Variants in TNFSF15 observed in about 807,000 individuals in gnomAD.
TNFSF15 encodes the protein TNF superfamily member 15.
In TNFSF15, 15 loss-of-function variants were observed where a neutral mutation model predicts 26.4. That is an observed-to-expected ratio of 0.57 (90% CI 0.38 to 0.87). TNFSF15 has a LOEUF of 0.87. Ranked by LOEUF, TNFSF15 falls within the 40% of genes least tolerant of loss-of-function variation. The pLI, the probability that TNFSF15 is intolerant of heterozygous loss-of-function variation, is 0.00. For missense variants in TNFSF15, 290 were observed against 306.1 expected (o/e 0.95, Z 0.39); for synonymous variants, 116 against 115.0 (o/e 1.01, Z -0.06).
chr9:114,799,920 A>G (rs1409317357), intron 1 of TNFSF15, among the ~76,000 whole-genome samples: 2 of 152,110 alleles, frequency 1.3e-5, no homozygotes, highest in Admixed American at 1.3e-4. Context: ...TGATCTTTGG[A>G]GTGAATATCT....
intron 1 of TNFSF15, among the ~76,000 whole-genome samples, chr9:114,805,056 C>T (rs1037536819): frequency 2.6e-5 from 4 of 152,148 alleles, no homozygotes; most frequent in African/African-American, 4.8e-5. Flanking sequence ...TGACACCTAT[C>T]GCTGCCCCTA....
rs1829582506 is a variant in TNFSF15, at chr9:114,790,696, G to T, written c.512C>A (p.Pro171Gln). 1.2e-6 allele frequency: 2 copies of T among 1,614,060 alleles called. No individual in the cohort carries two copies. The change falls in exon 4 of 4, where the codon CCA (proline) becomes CAA (glutamine). Residue 171 changes from proline to glutamine, a missense_variant. Transcript: ENST00000374045. ...CACAGTGATGGAGTCTGGCTTGTTT[G>T]GTCGGCCTGCTTGTCTGATTTCACT... ...ECSEIRQAGR[P>Q]NKPDSITVVI...
Position 114,787,600 on chromosome 9 carries a change from C to T in TNFSF15, c.*2852G>A, listed in dbSNP as rs1829523219. The stretch of plus-strand genomic sequence containing the variant: ...CTTCCTCCCTCCCAAACCCTGAATA[C>T]ACCCCATTAACCCCTTTTAGGGGAA... On this transcript the variant is annotated 3_prime_UTR_variant, in exon 4 of 4. Coordinates refer to ENST00000374045, the MANE Select transcript of TNFSF15 (RefSeq NM_005118.4). The T allele has an allele frequency of 6.5e-6, 1 of 153,008 alleles. No homozygotes were observed. Among genetic ancestry groups the T allele is most frequent in the African/African-American group, 2.4e-5 (1 of 41,438 alleles). 9.5% of individuals were successfully genotyped at this position (153,008 alleles called of 1,614,324 possible).
intron 1 of TNFSF15, among the ~76,000 whole-genome samples, chr9:114,794,797 C>T (rs1427118012): frequency 1.3e-5 from 2 of 152,128 alleles, no homozygotes; most frequent in African/African-American, 4.8e-5. Context: ...TTTGCATGTT[C>T]TCATTGATAT....
rs1411054569 is a variant in TNFSF15, at chr9:114,790,337, T to C, written c.*115A>G. The stretch of plus-strand genomic sequence containing the variant: ...TTTCATAGCTAAACCGTTGTCCCTG[T>C]GGAATGCCCCCTACTCCCGGCCCCA... On this transcript the variant is annotated 3_prime_UTR_variant, in exon 4 of 4. Coordinates refer to ENST00000374045, the MANE Select transcript of TNFSF15 (RefSeq NM_005118.4). 3 of 1,055,150 alleles carry C rather than the reference T, an allele frequency of 2.8e-6. No homozygotes were observed. Among genetic ancestry groups the C allele is most frequent in the Non-Finnish European group, 2.8e-6 (2 of 726,126 alleles). 65.4% of individuals were successfully genotyped at this position (1,055,150 alleles called of 1,614,324 possible).
rs1829580581 is a variant in TNFSF15, at chr9:114,790,611, C to T, written c.597G>A (p.Lys199=). 3.7e-6 allele frequency: 6 copies of T among 1,614,106 alleles called. No homozygotes were observed. The highest frequency in any genetic ancestry group is 4.2e-6 in the Non-Finnish European group (5 of 1,180,032). The change falls in exon 4 of 4, where the codon AAG becomes AAA. Residue 199 remains lysine (K), a synonymous_variant. Coordinates refer to ENST00000374045, the MANE Select transcript of TNFSF15 (RefSeq NM_005118.4). ...PEPTQLLMGT[K]SVCEVGSNWF... is the part of the protein sequence containing the mutation. ...AGTTGCTACCTACTTCGCATACAGA[C>T]TTGGTCCCCATGAGGAGCTGGGTTG...
intron 1 of TNFSF15, among the ~76,000 whole-genome samples, chr9:114,797,314 T>A (rs1202943658): frequency 6.6e-6 from 1 of 152,236 alleles, no homozygotes; most frequent in African/African-American, 2.4e-5. Flanking sequence ...TGGATAAGTA[T>A]GGTCCAGTGT....
At chr9:114,803,455 G>C (rs928332132) in intron 1 of TNFSF15, among the ~76,000 whole-genome samples, 9 of 152,178 alleles carry the variant, frequency 5.9e-5, no homozygotes. Context: ...ACATTTCACT[G>C]TATGTTTACC....
At chr9:114,795,887 G>A (rs1195718022) in intron 1 of TNFSF15, among the ~76,000 whole-genome samples, 2 of 152,210 alleles carry the variant, frequency 1.3e-5, no homozygotes, top group Admixed American at 1.3e-4. Flanking sequence ...GTCTAGGTCT[G>A]TGAGCAGGTG....
intron 1 of TNFSF15, among the ~76,000 whole-genome samples, chr9:114,805,297 T>C (rs921033855): frequency 6.6e-6 from 1 of 152,206 alleles, no homozygotes; most frequent in Admixed American, 6.5e-5. Flanking sequence ...AATAAAATCA[T>C]AATATATTAG....
chr9:114,794,638 A>T (rs1012310284), intron 1 of TNFSF15, among the ~76,000 whole-genome samples: 15 of 152,208 alleles, frequency 9.9e-5, no homozygotes, highest in African/African-American at 3.4e-4. Flanking sequence ...CTCTATCAAG[A>T]TATAGATGGA....
chr9:114,800,691 G>A (rs560484626), intron 1 of TNFSF15, among the ~76,000 whole-genome samples: 1 of 152,292 alleles, frequency 6.6e-6, no homozygotes, highest in East Asian at 1.9e-4. Flanking sequence ...TAGCAAACAA[G>A]TATTGCACAT....
intron 1 of TNFSF15, among the ~76,000 whole-genome samples, chr9:114,802,595 T>G (rs4366152): frequency 6.6e-6 from 1 of 152,026 alleles, no homozygotes; most frequent in African/African-American, 2.4e-5. Flanking sequence ...GCATGCTGTG[T>G]TAGCTCTCTG....
intron 2 of TNFSF15, among the ~76,000 whole-genome samples, chr9:114,792,983 T>C (rs903117974): frequency 6.6e-6 from 1 of 152,214 alleles, no homozygotes; most frequent in Non-Finnish European, 1.5e-5. Flanking sequence ...CTTTTCCCTC[T>C]CTGGGCCTCT....
In TNFSF15 at chr9:114,790,155, G is replaced by T; in HGVS notation, c.*297C>A. ...AATATTTCTCTTTCAATCCTGACCC[G>T]AGTAGATCATCCATTCATTTAGTGA... On this transcript the variant is annotated 3_prime_UTR_variant, in exon 4 of 4. Coordinates refer to ENST00000374045, the MANE Select transcript of TNFSF15 (RefSeq NM_005118.4). 3.8e-6 allele frequency: 1 copy of T among 259,962 alleles called. No homozygotes were observed. The highest frequency in any genetic ancestry group is 8.5e-5 in the South Asian group (1 of 11,784). 16.1% of individuals were successfully genotyped at this position (259,962 alleles called of 1,614,324 possible).
At position 114,787,053 on chromosome 9, in the gene TNFSF15, C is replaced by T. The variant is rs537386262; in HGVS notation, c.*3399G>A. 6.6e-6 allele frequency: 1 copy of T among 151,774 alleles called. No homozygotes were observed. The highest frequency in any genetic ancestry group is 1.5e-5 in the Non-Finnish European group (1 of 68,002). 9.4% of individuals were successfully genotyped at this position (151,774 alleles called of 1,614,324 possible). On this transcript the variant is annotated 3_prime_UTR_variant, in exon 4 of 4. Coordinates refer to ENST00000374045, the MANE Select transcript of TNFSF15 (RefSeq NM_005118.4). ...CATGGTCTCTGTATTTGCTGAGGAA[C>T]ACAGATTTTCAAAGCATTTCTGGGT... is the stretch of plus-strand genomic sequence containing the variant.
chr9:114,793,489 C>T (rs886145346), intron 2 of TNFSF15, 37 bp downstream of exon 2: 1 of 1,610,384 alleles, frequency 6.2e-7, no homozygotes, highest in Non-Finnish European at 8.5e-7. Context: ...TGTTCTTATT[C>T]CCCACGAGGA....
Position 114,786,998 on chromosome 9 carries a change from C to G in TNFSF15, c.*3454G>C, listed in dbSNP as rs1196317122. On this transcript the variant is annotated 3_prime_UTR_variant, in exon 4 of 4. Coordinates refer to ENST00000374045, the MANE Select transcript of TNFSF15 (RefSeq NM_005118.4). ...AAATAGACTGAAACCATGCTAGCAT[C>G]AAAATGTTAGTGATTCTGTGCATTT... 2 of 151,010 alleles carry G rather than the reference C, an allele frequency of 1.3e-5. No individual in the cohort carries two copies. The highest frequency in any genetic ancestry group is 4.9e-5 in the African/African-American group (2 of 41,070). 9.4% of individuals were successfully genotyped at this position (151,010 alleles called of 1,614,324 possible).
At chr9:114,802,088 G>GTTTAT (rs1829756491) in intron 1 of TNFSF15, among the ~76,000 whole-genome samples, 1 of 152,116 alleles carries the variant, frequency 6.6e-6, no homozygotes, top group African/African-American at 2.4e-5. Flanking sequence ...GTATTTGCTT[G>GTTTAT]GCTGCATAAG....
Sources: allele counts gnomAD v4.1 joint callset (sites outside exome capture counted in the v4.1 genomes callset), GRCh38; gene constraint gnomAD v4.1.1; transcripts MANE v1.5; gene names NCBI Gene and HGNC (gene_info 2026-07-23, HGNC 2026-07-21).